RYR3: variants seen among roughly 807,000 people sequenced by gnomAD.
RYR3 encodes ryanodine receptor 3, also known as brain ryanodine receptor-calcium release channel.
RYR3 carries 207 observed loss-of-function variants against 584.3 expected under a neutral mutation model. The ratio of observed to expected loss-of-function variants is 0.35; its 90% CI spans 0.32 to 0.40. RYR3 has a LOEUF of 0.40. RYR3 is among the 10% of genes least tolerant of loss of function. The probability of loss-of-function intolerance (pLI) is 1.00; values close to 1 mark genes in which losing one functional copy is unlikely to be tolerated. For synonymous variants in RYR3, 2,416 were observed against 2,248.5 expected, an observed-to-expected ratio of 1.07 and a Z score of -2.11; for missense variants, 5,616 against 6,089.2, an observed-to-expected ratio of 0.92 and a Z score of 2.59.
At chr15:33,817,371 C>CT (rs2076871452) in intron 75 of RYR3, among the ~76,000 whole-genome samples, 1 of 152,120 alleles carries the variant, frequency 6.6e-6, no homozygotes, top group Non-Finnish European at 1.5e-5. Context: ...TATATTTGGC[C>CT]TTTCAGAAAA....
chr15:33,341,662 A>G (rs1206781137), intron 1 of RYR3, among the ~76,000 whole-genome samples: 2 of 152,074 alleles, frequency 1.3e-5, no homozygotes, highest in African/African-American at 2.4e-5. Flanking sequence ...TGGGTGTTGT[A>G]GGATGTTAAA....
rs567677052 is a variant in RYR3, at chr15:33,728,759, T to C, written c.7034-98T>C. On this transcript the variant is annotated intron_variant, in intron 46 of 103. Transcript: ENST00000634891. ...GTATTTTTCCAAAAATTCTTGTCCC[T>C]TATAGGGAGAATAAGCTATAGACAG... is the stretch of plus-strand genomic sequence containing the variant. 2.5e-5 allele frequency: 30 copies of C among 1,210,814 alleles called. No individual in the cohort carries two copies. The Admixed American group carries it at 9.1e-4, about 37-fold the overall frequency. The allele number at this position is 1,210,814 out of a possible 1,614,324, so 75.0% of individuals were successfully genotyped here.
chr15:33,767,978 A>T lies in RYR3; in HGVS notation c.8706-680A>T, dbSNP rs146956033. On this transcript the variant is annotated intron_variant, in intron 60 of 103. Transcript: ENST00000634891. ...AACAATGAGGCACAGCTGAACCTTC[A>T]GTGGTTCCACAGTGGAAAATATGGG... 3.9e-5 allele frequency among the ~76,000 whole-genome samples: 6 copies of T among 152,334 alleles called. No individual in the cohort carries two copies. The East Asian group carries it at 1.2e-3, about 29-fold the overall frequency.
At chr15:33,757,796 T>C (rs565406680) in intron 60 of RYR3, 200 bp downstream of exon 60, 3 of 600,714 alleles carry the variant, frequency 5.0e-6, no homozygotes, top group African/African-American at 3.7e-5. Flanking sequence ...TGTGTGGGAG[T>C]ACCCGTGGGG....
intron 43 of RYR3, among the ~76,000 whole-genome samples, chr15:33,720,223 G>A (rs2067809969): frequency 6.6e-6 from 1 of 152,208 alleles, no homozygotes; most frequent in Non-Finnish European, 1.5e-5. Context: ...AAAAGAGGAT[G>A]TCAGCAAGCC....
At chr15:33,596,565 C>T (rs544180693) in intron 16 of RYR3, among the ~76,000 whole-genome samples, 180 of 151,090 alleles carry the variant, frequency 1.2e-3, no homozygotes, top group African/African-American at 4.3e-3. Context: ...TGTACATGTT[C>T]ATGGGGTACA....
intron 56 of RYR3, 25 bp from the exon 57 acceptor site, chr15:33,750,138 T>A: frequency 6.2e-7 from 1 of 1,608,462 alleles, no homozygotes; most frequent in South Asian, 1.1e-5. Context: ...GAGCCAAATG[T>A]CATCTCTCAC....
chr15:33,623,749 A>C, intron 19 of RYR3, 58 bp from the exon 20 acceptor site: 1 of 1,270,262 alleles, frequency 7.9e-7, no homozygotes, highest in East Asian at 2.3e-5. Flanking sequence ...ATTTTCACTT[A>C]TTTGGGCTGC....
intron 14 of RYR3, among the ~76,000 whole-genome samples, chr15:33,581,927 C>T (rs1348153342): frequency 6.6e-6 from 1 of 152,186 alleles, no homozygotes; most frequent in Non-Finnish European, 1.5e-5. Flanking sequence ...CATGAGGAAA[C>T]GAGACTAGAA....
At chr15:33,519,523 T>C (rs145364756) in intron 3 of RYR3, among the ~76,000 whole-genome samples, 471 of 151,944 alleles carry the variant, frequency 3.1e-3, no homozygotes, top group African/African-American at 8.5e-3. Context: ...CCTGGAGGGG[T>C]GACTGTCAAG....
intron 36 of RYR3, among the ~76,000 whole-genome samples, chr15:33,668,410 AAAGT>A (rs1195301241): frequency 3.3e-5 from 5 of 152,110 alleles, no homozygotes; most frequent in Non-Finnish European, 7.3e-5. Context: ...AAGTATATAA[AAAGT>A]TAAAAATCTA....
chr15:33,816,996 G>T (rs368273317), intron 75 of RYR3, 38 bp downstream of exon 75: 103 of 1,261,354 alleles, frequency 8.2e-5, no homozygotes, highest in Admixed American at 1.7e-4. Flanking sequence ...TATGAGTGTG[G>T]ATGAATTTGA....
intron 38 of RYR3, among the ~76,000 whole-genome samples, chr15:33,686,324 T>TA (rs2065006687): frequency 6.6e-6 from 1 of 152,164 alleles, no homozygotes; most frequent in South Asian, 2.1e-4. Flanking sequence ...CTAGAAAATC[T>TA]AGAAGAAATG....
intron 36 of RYR3, among the ~76,000 whole-genome samples, chr15:33,669,061 A>G (rs564234709): frequency 1.3e-5 from 2 of 152,192 alleles, no homozygotes; most frequent in Non-Finnish European, 2.9e-5. Context: ...GTATACCTAC[A>G]TAATGTCAGG....
chr15:33,487,201 G>GAAAAA (rs61232070), intron 2 of RYR3, among the ~76,000 whole-genome samples: 1 of 144,528 alleles, frequency 6.9e-6, no homozygotes, highest in African/African-American at 2.6e-5. Context: ...CCATCTCAAA[G>GAAAAA]AAAAAAAAAA....
intron 2 of RYR3, among the ~76,000 whole-genome samples, chr15:33,493,276 A>C (rs2051131184): frequency 6.6e-6 from 1 of 151,836 alleles, no homozygotes; most frequent in South Asian, 2.1e-4. Flanking sequence ...GTTGATTTTT[A>C]TCTCCCGTTT....
chr15:33,522,859 C>A (rs1250254001), intron 3 of RYR3, among the ~76,000 whole-genome samples: 3 of 152,140 alleles, frequency 2.0e-5, no homozygotes, highest in Admixed American at 2.0e-4. Context: ...GCTGTACTTT[C>A]TAATTCCCAG....
chr15:33,788,606 G>T, intron 67 of RYR3, 148 bp downstream of exon 67: 1 of 864,108 alleles, frequency 1.2e-6, no homozygotes. Context: ...AACACCAATG[G>T]TTCCTGCTGT....
intron 10 of RYR3, among the ~76,000 whole-genome samples, chr15:33,552,151 G>A (rs1237652126): frequency 3.3e-5 from 5 of 152,120 alleles, no homozygotes; most frequent in East Asian, 3.9e-4. Context: ...ACAGGATCAG[G>A]CGGCCTTCCA....
Sources: gnomAD v4.1 joint callset for allele counts (sites outside exome capture counted in the v4.1 genomes callset) on GRCh38, gnomAD v4.1.1 for gene constraint, MANE v1.5 for transcripts, NCBI Gene and HGNC (gene_info 2026-07-23, HGNC 2026-07-21) for gene names.